Variants in XPO5 observed in about 807,000 individuals in gnomAD.
XPO5 encodes exportin 5.
XPO5 carries 46 observed loss-of-function variants against 160.6 expected under a neutral mutation model. The observed-to-expected ratio is 0.29, with a 90% CI of 0.23 to 0.37. The LOEUF (loss-of-function observed/expected upper bound fraction) is 0.37, where lower values mean the gene tolerates loss of function less well. Ranked by LOEUF, XPO5 falls within the 10% of genes least tolerant of loss-of-function variation. The probability of loss-of-function intolerance (pLI) is 1.00; values close to 1 mark genes in which losing one functional copy is unlikely to be tolerated. For synonymous variants in XPO5, 537 were observed against 519.3 expected, an observed-to-expected ratio of 1.03 and a Z score of -0.46; for missense variants, 1,090 against 1,463.9, an observed-to-expected ratio of 0.74 and a Z score of 4.17.
At chr6:43,556,386 G>T (rs557081210) in intron 12 of XPO5, among the ~76,000 whole-genome samples, 2 of 152,030 alleles carry the variant, frequency 1.3e-5, no homozygotes, top group South Asian at 4.2e-4. Context: ...GTAGCCAGGT[G>T]TGGTGGCATG....
At chr6:43,550,080 G>T in intron 15 of XPO5, 146 bp from the exon 16 acceptor site, 1 of 780,590 alleles carries the variant, frequency 1.3e-6, no homozygotes. Flanking sequence ...ACGGGCATGA[G>T]CTTATTCATA....
intron 14 of XPO5, among the ~76,000 whole-genome samples, chr6:43,552,413 C>A (rs770423738): frequency 1.3e-5 from 2 of 151,870 alleles, no homozygotes; most frequent in Admixed American, 1.3e-4. Flanking sequence ...AGTGCACTGG[C>A]GTGATTTTGG....
intron 17 of XPO5, among the ~76,000 whole-genome samples, chr6:43,549,137 C>T (rs1795108063): frequency 6.6e-6 from 1 of 152,176 alleles, no homozygotes; most frequent in East Asian, 1.9e-4. Context: ...TCTTGGCTCA[C>T]TGCAACCTCC....
At chr6:43,539,097 C>T in intron 20 of XPO5, 1 of 1,310,376 alleles carries the variant, frequency 7.6e-7, no homozygotes, top group Non-Finnish European at 1.1e-6. Flanking sequence ...GAGACAATGC[C>T]AGTGCCCCTG....
rs766281897 is a variant in XPO5 at position 43,573,568 on chromosome 6, A to T, written c.139T>A (p.Cys47Ser). 3.1e-6 allele frequency: 5 copies of T among 1,613,694 alleles called. No homozygotes were observed. The highest frequency in any genetic ancestry group is 4.2e-6 in the Non-Finnish European group (5 of 1,179,700). ...GCCAACCTCAAGCCACAGGGGACACAGATAGGACACTTTTCTTTAAACTCC... is the reference window on the plus strand; with the variant it reads ...GCCAACCTCAAGCCACAGGGGACACTGATAGGACACTTTTCTTTAAACTCC... ...CEEFKEKCPI[C>S]VPCGLRLAEK... Residue 47 changes from cysteine (C) to serine (S), a missense_variant, in exon 2 of 32, where the codon TGT becomes AGT. Coordinates refer to ENST00000265351, the MANE Select transcript of XPO5 (RefSeq NM_020750.3).
chr6:43,526,349 G>T, intron 27 of XPO5: 1 of 402,240 alleles, frequency 2.5e-6, no homozygotes. Flanking sequence ...CTGCTATGAA[G>T]AAGAATAAAG....
At chr6:43,540,389 G>T (rs1357909329) in intron 20 of XPO5, among the ~76,000 whole-genome samples, 1 of 152,232 alleles carries the variant, frequency 6.6e-6, no homozygotes, top group Non-Finnish European at 1.5e-5. Context: ...TGAAGCAGGA[G>T]AATGCCGTGA....
chr6:43,569,810 C>T (rs1250312936), intron 5 of XPO5, among the ~76,000 whole-genome samples: 4 of 151,510 alleles, frequency 2.6e-5, no homozygotes, highest in Admixed American at 6.6e-5. Context: ...GGGCTGGGCT[C>T]GGTGGCTCAC....
Position 43,527,751 on chromosome 6 carries a change from C to A in XPO5, c.2823-20G>T. ...TCTCCACTGCAGAAAACCAGGGGGC[C>A]AAGTTCCACAGGAGTGCAGAAAAGG... On this transcript the variant is annotated intron_variant, in intron 25 of 31. Transcript: ENST00000265351. 6.2e-7 allele frequency: 1 copy of A among 1,612,450 alleles called. No homozygotes were observed.
intron 29 of XPO5, 42 bp from the exon 30 acceptor site, chr6:43,525,010 T>C (rs942104596): frequency 1.2e-6 from 2 of 1,603,616 alleles, no homozygotes; most frequent in Non-Finnish European, 1.7e-6. Context: ...GGGGCCTCTC[T>C]CAAGGCCTCA....
chr6:43,575,899 C>T lies in XPO5; in HGVS notation c.-35G>A, dbSNP rs1402461633. On this transcript the variant is annotated 5_prime_UTR_variant, in exon 1 of 32. Coordinates refer to ENST00000265351, the MANE Select transcript of XPO5 (RefSeq NM_020750.3). ...CACGCGCCGAGAGCGCACACCACTG[C>T]AGTCCCGGGACCACGAGGCACGACA... The T allele has an allele frequency of 1.2e-6, 2 of 1,602,694 alleles. No homozygotes were observed. The highest frequency in any genetic ancestry group is 2.7e-5 in the African/African-American group (2 of 74,542).
At chr6:43,574,252 G>C (rs530419377) in intron 1 of XPO5, among the ~76,000 whole-genome samples, 1 of 151,432 alleles carries the variant, frequency 6.6e-6, no homozygotes, top group African/African-American at 2.4e-5. Flanking sequence ...GAAGTGAGCC[G>C]AGATCTCACC....
intron 6 of XPO5, 89 bp from the exon 7 acceptor site, chr6:43,567,443 C>A (rs576617031): frequency 4.1e-6 from 5 of 1,215,790 alleles, no homozygotes; most frequent in Non-Finnish European, 5.6e-6. Flanking sequence ...TTTTCTAATT[C>A]TAAGAAAATT....
Position 43,565,523 on chromosome 6 carries a change from C to T in XPO5, c.911+137G>A, listed in dbSNP as rs536276024. 2.6e-3 allele frequency: 1,792 copies of T among 687,906 alleles called. 48 individuals carry two copies. In the South Asian group the frequency reaches 0.035, roughly 13 times the overall value. The allele number at this position is 687,906 out of a possible 1,614,324, so 42.6% of individuals were successfully genotyped here. A position where few individuals can be genotyped will look rare whatever the true frequency, so the allele number is the denominator to read the frequency against. ...GAGGTTGTGGTGAGCCAAGATCGCG[C>T]CACTGCACTCCAGCCTGGGTGACAG... On this transcript the variant is annotated intron_variant, in intron 8 of 31. Transcript: ENST00000265351.
Position 43,530,755 on chromosome 6 carries a change from G to T in XPO5, c.2610C>A (p.Thr870=). Residue 870 remains threonine (T), a synonymous_variant, in exon 23 of 32, where the codon ACC becomes ACA. Transcript: ENST00000265351. ...QDFYTVEDLA[T]QLLSSAFVNL... is the part of the protein sequence containing the mutation. ...TGACAAAGGCTGAGCTGAGAAGCTG[G>T]GTAGCAAGGTCCTCCACAGTATAGA... 6.2e-7 allele frequency: 1 copy of T among 1,613,900 alleles called. No individual in the cohort carries two copies. The highest frequency in any genetic ancestry group is 8.5e-7 in the Non-Finnish European group (1 of 1,179,872).
At chr6:43,571,414 A>C (rs1031216531) in intron 3 of XPO5, among the ~76,000 whole-genome samples, 1 of 152,214 alleles carries the variant, frequency 6.6e-6, no homozygotes, top group Non-Finnish European at 1.5e-5. Flanking sequence ...CAGAAGTATT[A>C]GAAGATCCCA....
chr6:43,531,679 C>T, intron 21 of XPO5, 104 bp from the exon 22 acceptor site: 1 of 969,388 alleles, frequency 1.0e-6, no homozygotes, highest in Non-Finnish European at 1.7e-6. Flanking sequence ...AAGATGTGTG[C>T]ATGTCTGGTG....
At chr6:43,559,812 A>G (rs1762310868) in intron 11 of XPO5, among the ~76,000 whole-genome samples, 2 of 152,156 alleles carry the variant, frequency 1.3e-5, no homozygotes, top group Middle Eastern at 3.2e-3. Flanking sequence ...AATGCCAATC[A>G]GTCTTTTTTA....
At chr6:43,524,446 G>A in intron 31 of XPO5, 25 bp downstream of exon 31, 3 of 1,607,022 alleles carry the variant, frequency 1.9e-6, no homozygotes, top group African/African-American at 1.3e-5. Context: ...GGGGTTGGGA[G>A]CACTATTGAA....
Sources: allele counts gnomAD v4.1 joint callset (sites outside exome capture counted in the v4.1 genomes callset), GRCh38; gene constraint gnomAD v4.1.1; transcripts MANE v1.5; gene names NCBI Gene and HGNC (gene_info 2026-07-23, HGNC 2026-07-21).